Variants in MINK1 observed in about 807,000 individuals in gnomAD.
The protein encoded by MINK1 is misshapen-like kinase 1.
MINK1 carries 46 observed loss-of-function variants against 178.4 expected under a neutral mutation model. The observed-to-expected ratio is 0.26, with a 90% CI of 0.20 to 0.33. The LOEUF is 0.33. Ranked by LOEUF, MINK1 falls within the 10% of genes least tolerant of loss-of-function variation. The pLI is 1.00. For missense variants in MINK1, 1,366 were observed against 1,814.9 expected, an observed-to-expected ratio of 0.75 and a Z score of 4.49; for synonymous variants, 797 against 709.7, an observed-to-expected ratio of 1.12 and a Z score of -1.96.
intron 1 of MINK1, among the ~76,000 whole-genome samples, chr17:4,841,864 G>A (rs1944647172): frequency 6.6e-6 from 1 of 152,050 alleles, no homozygotes; most frequent in Admixed American, 6.6e-5. Flanking sequence ...GCTGACTCTG[G>A]TTCTCAGCCA....
intron 1 of MINK1, chr17:4,868,714 GT>G: frequency 5.5e-6 from 1 of 181,784 alleles, no homozygotes; most frequent in Non-Finnish European, 1.2e-5. Flanking sequence ...ATATAGGAGT[GT>G]AGATGTCTCT....
chr17:4,889,359 TTTG>T (rs1261035733), intron 12 of MINK1, among the ~76,000 whole-genome samples: 9 of 151,930 alleles, frequency 5.9e-5, no homozygotes, highest in Non-Finnish European at 8.8e-5. Flanking sequence ...TCGGCTTTGG[TTTG>T]TTGTTTGGTG....
chr17:4,896,528 A>G lies in MINK1; in HGVS notation c.3715A>G (p.Thr1239Ala). ...CYEDEGVYVN[T>A]YGRIIKDVVL... ...CGAGGACGAGGGTGTCTACGTCAAC[A>G]CGTACGGGCGCATCATTAAGGATGT... is the stretch of plus-strand genomic sequence containing the variant. Residue 1239 changes from threonine (T) to alanine (A), a missense_variant, in exon 30 of 32, where the codon ACG becomes GCG. Physicochemically the swap from Thr to Ala is moderately conservative, Grantham distance 58 (BLOSUM62 0). Around this residue, in one of 14 missense-constraint regions of MINK1, gnomAD observed 201 missense variants for 240.7 expected, o/e 0.84. Coordinates refer to ENST00000355280, the MANE Select transcript of MINK1 (RefSeq NM_153827.5). The surrounding 1 kb of genome is among the most constrained non-coding windows in gnomAD (Gnocchi z 4.6). 6.2e-7 allele frequency: 1 copy of G among 1,613,902 alleles called. No homozygotes were observed. The highest frequency in any genetic ancestry group is 8.5e-7 in the Non-Finnish European group (1 of 1,179,844).
At chr17:4,859,000 G>C in intron 1 of MINK1, 1 of 414,590 alleles carries the variant, frequency 2.4e-6, no homozygotes, top group Non-Finnish European at 3.2e-6. Flanking sequence ...CAGGCACCCG[G>C]GGCAGCCCCA....
intron 1 of MINK1, among the ~76,000 whole-genome samples, chr17:4,842,645 G>A (rs1470370207): frequency 6.6e-6 from 1 of 152,176 alleles, no homozygotes; most frequent in Non-Finnish European, 1.5e-5. Flanking sequence ...TAAGAAAGTG[G>A]CTGAAGCTTG....
intron 1 of MINK1, among the ~76,000 whole-genome samples, chr17:4,863,440 T>C (rs1407860123): frequency 6.6e-6 from 1 of 152,322 alleles, no homozygotes; most frequent in East Asian, 1.9e-4. Flanking sequence ...GTTACCTTTT[T>C]TCCTTCAATC....
chr17:4,834,466 G>C (rs948781168), intron 1 of MINK1, among the ~76,000 whole-genome samples: 2 of 152,200 alleles, frequency 1.3e-5, no homozygotes, highest in Non-Finnish European at 2.9e-5. Context: ...GTTTATGTTA[G>C]CTAAAGGCTG....
At chr17:4,851,999 C>CAAAAAAAAAAAAAAAAA (rs535581252) in intron 1 of MINK1, among the ~76,000 whole-genome samples, 4 of 69,446 alleles carry the variant, frequency 5.8e-5, no homozygotes, top group African/African-American at 1.9e-4. Context: ...GACTCTGTCT[C>CAAAAAAAAAAAAAAAAA]AAAAAAAAAA....
chr17:4,894,084 G>A lies in MINK1; in HGVS notation c.2661G>A (p.Val887=). 1 of 1,589,894 alleles carries A rather than the reference G, an allele frequency of 6.3e-7. No homozygotes were observed. Among genetic ancestry groups the A allele is most frequent in the Non-Finnish European group, 8.6e-7 (1 of 1,166,392 alleles). ...TQPPYGGGTM[V]VQRTPEEERN... ...CCCCATACGGGGGCGGCACCATGGT[G>A]GTCCAGCGCGTGAGTGAGCCTCTGC... Residue 887 remains valine, a synonymous_variant, in exon 22 of 32, where the codon GTG becomes GTA. Transcript: ENST00000355280. The surrounding 1 kb of genome is among the most constrained non-coding windows in gnomAD (Gnocchi z 4.1).
intron 1 of MINK1, chr17:4,871,200 T>G (rs2150947200): frequency 5.1e-6 from 1 of 195,268 alleles, no homozygotes; most frequent in African/African-American, 2.4e-5. Flanking sequence ...TTTTTTTTTT[T>G]TTTAGAGGCA....
intron 1 of MINK1, among the ~76,000 whole-genome samples, chr17:4,835,380 C>G: frequency 6.6e-6 from 1 of 152,126 alleles, no homozygotes; most frequent in South Asian, 2.1e-4. Context: ...GTAATCCCAG[C>G]ACTTTGGGAG....
chr17:4,892,515 A>C lies in MINK1; in HGVS notation c.2198+3A>C. 1 of 1,550,498 alleles carries C rather than the reference A, an allele frequency of 6.4e-7. No homozygotes were observed. Among genetic ancestry groups the C allele is most frequent in the South Asian group, 1.2e-5 (1 of 85,156 alleles). On this transcript the variant is annotated splice_donor_region_variant and intron_variant, in intron 18 of 31. Coordinates refer to ENST00000355280, the MANE Select transcript of MINK1 (RefSeq NM_153827.5). ...CCTGGCCCGCCCAACGCCTCTAGGT[A>C]ATAGAGTTGTCCCCCAACTCACTCT... is the stretch of plus-strand genomic sequence containing the variant.
At chr17:4,880,947 C>T (rs1245325306) in intron 2 of MINK1, 37 bp from the exon 3 acceptor site, 1 of 1,451,440 alleles carries the variant, frequency 6.9e-7, no homozygotes, top group Non-Finnish European at 9.1e-7. Context: ...CTACGCTCCA[C>T]CCTCTGAGCA....
At chr17:4,847,155 G>A (rs766668927) in intron 1 of MINK1, 7 of 478,576 alleles carry the variant, frequency 1.5e-5, no homozygotes, top group South Asian at 1.1e-4. Context: ...GTTTGACTTT[G>A]CCTTTGAGGC....
chr17:4,891,159 A>C, intron 15 of MINK1, 35 bp downstream of exon 15: 6 of 1,473,892 alleles, frequency 4.1e-6, no homozygotes, highest in Non-Finnish European at 5.4e-6. Flanking sequence ...TAATGAAGAC[A>C]CAGGGAGCTT....
At chr17:4,843,863 T>C (rs1910608876) in intron 1 of MINK1, among the ~76,000 whole-genome samples, 2 of 152,122 alleles carry the variant, frequency 1.3e-5, no homozygotes, top group South Asian at 4.1e-4. Flanking sequence ...AAACCTGGGC[T>C]GCCATGCTGT....
intron 1 of MINK1, among the ~76,000 whole-genome samples, chr17:4,860,311 C>T (rs1270444681): frequency 6.6e-6 from 1 of 152,110 alleles, no homozygotes; most frequent in Admixed American, 6.6e-5. Flanking sequence ...TCTAGATTTC[C>T]ACGTGCTGAT....
In MINK1 at chr17:4,896,364, G is replaced by C. The variant is rs111936601; in HGVS notation, c.3615+22G>C. On this transcript the variant is annotated intron_variant, in intron 29 of 31. Transcript: ENST00000355280. This position sits in a 1 kb window ranked among gnomAD's most constrained non-coding sequence, Gnocchi z 4.6. ...GCACGTGAGCTTGGCGGGGCTGCTG[G>C]GGGAGTGGGATGGCCCAGTCTGGGC... 6 of 1,603,270 alleles carry C rather than the reference G, an allele frequency of 3.7e-6. No individual in the cohort carries two copies. Among genetic ancestry groups the C allele is most frequent in the African/African-American group, 2.7e-5 (2 of 74,900 alleles).
rs770558865 is a variant in MINK1, at chr17:4,895,433, C to T, written c.3169C>T (p.Arg1057Trp). ...GQGKVYGLIG[R>W]RRFQQMDVLE... Reference sequence around the variant, plus strand: ...GGGCAAGGTGTATGGACTCATTGGGCGGCGACGCTTCCAGCAGATGGATGT... The same window carrying T: ...GGGCAAGGTGTATGGACTCATTGGGTGGCGACGCTTCCAGCAGATGGATGT... Residue 1057 changes from arginine (R) to tryptophan (W), a missense_variant, in exon 26 of 32, where the codon CGG (arginine) becomes TGG (tryptophan). Physicochemically the swap from Arg to Trp is moderately radical, Grantham distance 101. Coordinates refer to ENST00000355280, the MANE Select transcript of MINK1 (RefSeq NM_153827.5). This position sits in a 1 kb window ranked among gnomAD's most constrained non-coding sequence, Gnocchi z 4.3. 29 of 1,608,164 alleles carry T rather than the reference C, an allele frequency of 1.8e-5. No homozygotes were observed. Among genetic ancestry groups the T allele is most frequent in the Admixed American group, 1.3e-4 (8 of 59,496 alleles).
Sources: allele counts gnomAD v4.1 joint callset (sites outside exome capture counted in the v4.1 genomes callset), GRCh38; gene constraint gnomAD v4.1.1; regional missense constraint gnomAD v4.1.1; non-coding constraint Gnocchi (gnomAD v3.1); transcripts MANE v1.5; gene names NCBI Gene and HGNC (gene_info 2026-07-23, HGNC 2026-07-21).